The following DUSP5 variants were observed in gnomAD, a reference collection of about 807,000 sequenced individuals.
The protein encoded by DUSP5 is dual specificity phosphatase 5, also known as dual specificity protein phosphatase 5.
Under a neutral mutation model 33.6 loss-of-function variants are expected in DUSP5, and 22 were observed. The ratio of observed to expected loss-of-function variants is 0.66; its 90% CI spans 0.47 to 0.94. DUSP5 has a LOEUF of 0.94. DUSP5 is among the 40% of genes least tolerant of loss of function. The pLI is 0.00. For missense variants in DUSP5, 551 were observed against 522.1 expected (o/e 1.06, Z -0.54); for synonymous variants, 270 against 231.1 (o/e 1.17, Z -1.53).
chr10:110,505,314 A>G (rs1001646653), intron 2 of DUSP5, among the ~76,000 whole-genome samples: 3 of 152,218 alleles, frequency 2.0e-5, no homozygotes, highest in Non-Finnish European at 2.9e-5. Flanking sequence ...CATCCGTAAA[A>G]TGGGAATAAT....
Position 110,498,225 on chromosome 10 carries a change from C to T in DUSP5, c.104C>T (p.Ala35Val). 1 of 1,515,328 alleles carries T rather than the reference C, an allele frequency of 6.6e-7. No individual in the cohort carries two copies. Among genetic ancestry groups the T allele is most frequent in the Admixed American group, 1.9e-5 (1 of 53,014 alleles). 93.9% of individuals were successfully genotyped at this position (1,515,328 alleles called of 1,614,324 possible). ...GACTGCCGGCCCTATCTGGCCTTCG[C>T]TGCCTCGAACGTGCGCGGCTCGCTC... Reference protein sequence around the residue: ...VLDCRPYLAFAASNVRGSLNV... With the variant: ...VLDCRPYLAFVASNVRGSLNV... The change falls in exon 1 of 4, where the codon GCT becomes GTT. Residue 35 changes from alanine (A) to valine (V), a missense_variant. Transcript: ENST00000369583.
rs187676307 is a variant in DUSP5 at position 110,508,896 on chromosome 10, C to A, written c.749-1124C>A. The stretch of plus-strand genomic sequence containing the variant: ...AGATGGGGAAACTCTAGGATTCCTC[C>A]CTGATGCCTCAGAAATTTTATCTTT... On this transcript the variant is annotated intron_variant, in intron 3 of 3. Coordinates refer to ENST00000369583, the MANE Select transcript of DUSP5 (RefSeq NM_004419.4). Among the ~76,000 whole-genome samples the A allele has an allele frequency of 5.3e-5, 8 of 152,308 alleles. No individual in the cohort carries two copies. The East Asian group carries it at 9.6e-4, about 18-fold the overall frequency.
At chr10:110,499,492 C>T (rs1342600913) in intron 1 of DUSP5, among the ~76,000 whole-genome samples, 3 of 151,974 alleles carry the variant, frequency 2.0e-5, no homozygotes, top group African/African-American at 4.8e-5. Context: ...AGCCCTGGCG[C>T]GGACACCTTG....
At chr10:110,509,580 A>T (rs1013960599) in intron 3 of DUSP5, among the ~76,000 whole-genome samples, 1 of 152,194 alleles carries the variant, frequency 6.6e-6, no homozygotes, top group African/African-American at 2.4e-5. Flanking sequence ...TGAGCCTGGG[A>T]TGCTCTCCTT....
Position 110,498,457 on chromosome 10 carries a change from A to G in DUSP5, c.336A>G (p.Leu112=), listed in dbSNP as rs185835786. Reference sequence around the variant, plus strand: ...CCGCGCGTGTCGTCCTCACCTCGCTACTCGCTTGCCTACCCGCCGGCCCGC... The same window carrying G: ...CCGCGCGTGTCGTCCTCACCTCGCTGCTCGCTTGCCTACCCGCCGGCCCGC... ...ESAARVVLTS[L]LACLPAGPRV... is the part of the protein sequence containing the mutation. The change falls in exon 1 of 4, where the codon CTA becomes CTG. Residue 112 remains leucine, a synonymous_variant. Transcript: ENST00000369583. The G allele has an allele frequency of 1.9e-6, 3 of 1,539,306 alleles. No homozygotes were observed. Among genetic ancestry groups the G allele is most frequent in the African/African-American group, 2.8e-5 (2 of 70,456 alleles).
At chr10:110,501,968 G>T (rs951272413) in intron 1 of DUSP5, among the ~76,000 whole-genome samples, 1 of 151,662 alleles carries the variant, frequency 6.6e-6, no homozygotes, top group African/African-American at 2.4e-5. Context: ...TATTGATTGG[G>T]GGGGGGGTGC....
intron 3 of DUSP5, among the ~76,000 whole-genome samples, chr10:110,508,480 A>G (rs531165972): frequency 2.6e-5 from 4 of 152,186 alleles, no homozygotes; most frequent in Non-Finnish European, 5.9e-5. Context: ...TTGAAAGCAC[A>G]GGATGCTTTT....
intron 2 of DUSP5, among the ~76,000 whole-genome samples, chr10:110,505,174 C>T (rs532167275): frequency 1.3e-4 from 20 of 152,360 alleles, no homozygotes; most frequent in Admixed American, 7.2e-4. Context: ...ATATTGATCA[C>T]TATTGAAATG....
chr10:110,498,111 G>C lies in DUSP5; in HGVS notation c.-11G>C. On this transcript the variant is annotated 5_prime_UTR_variant, in exon 1 of 4. Coordinates refer to ENST00000369583, the MANE Select transcript of DUSP5 (RefSeq NM_004419.4). The stretch of plus-strand genomic sequence containing the variant: ...CGCGGCGCGGGGCCGCTGGCCGGCG[G>C]CGGCGGCGGCATGAAGGTCACGTCG... 7.6e-7 allele frequency: 1 copy of C among 1,323,370 alleles called. No homozygotes were observed. Among genetic ancestry groups the C allele is most frequent in the Non-Finnish European group, 9.7e-7 (1 of 1,035,688 alleles). 82.0% of individuals were successfully genotyped at this position (1,323,370 alleles called of 1,614,324 possible).
rs1860191303 is a variant in DUSP5, at chr10:110,511,377, C to T, written c.*951C>T. Reference sequence around the variant, plus strand: ...CTTCTGGGATTTGCAGATTTTGCAACGTGGTACTACTTTTTTTTTCTTTTT... The same window carrying T: ...CTTCTGGGATTTGCAGATTTTGCAATGTGGTACTACTTTTTTTTTCTTTTT... On this transcript the variant is annotated 3_prime_UTR_variant, in exon 4 of 4. Coordinates refer to ENST00000369583, the MANE Select transcript of DUSP5 (RefSeq NM_004419.4). 2 of 152,674 alleles carry T rather than the reference C, an allele frequency of 1.3e-5. No individual in the cohort carries two copies. Among genetic ancestry groups the T allele is most frequent in the Admixed American group, 6.5e-5 (1 of 15,288 alleles). The allele number at this position is 152,674 out of a possible 1,614,324, so 9.5% of individuals were successfully genotyped here.
chr10:110,505,157 C>G (rs564707940), intron 2 of DUSP5, among the ~76,000 whole-genome samples: 1 of 152,208 alleles, frequency 6.6e-6, no homozygotes, highest in Non-Finnish European at 1.5e-5. Context: ...GAAATACTTA[C>G]TTTCTCATAT....
intron 2 of DUSP5, among the ~76,000 whole-genome samples, chr10:110,506,510 C>G (rs1239228003): frequency 6.6e-6 from 1 of 152,124 alleles, no homozygotes; most frequent in African/African-American, 2.4e-5. Context: ...GAGTCCTGGT[C>G]CATTTTATCT....
At chr10:110,509,967 T>C in intron 3 of DUSP5, 53 bp from the exon 4 acceptor site, 1 of 1,527,586 alleles carries the variant, frequency 6.5e-7, no homozygotes, top group Non-Finnish European at 8.8e-7. Flanking sequence ...TGTTTTGCCA[T>C]TGCCCTTAGA....
Position 110,507,128 on chromosome 10 carries a change from A to G in DUSP5, c.722A>G (p.His241Arg). 1 of 1,613,870 alleles carries G rather than the reference A, an allele frequency of 6.2e-7. No homozygotes were observed. The highest frequency in any genetic ancestry group is 8.5e-7 in the Non-Finnish European group (1 of 1,180,034). ...AGCCACACGGCTGACATTAGCTCCC[A>G]CTTTCAAGAAGCAATAGACTTCATT... ...EDSHTADISSHFQEAIDFIDC... is the reference protein window; with the variant it reads ...EDSHTADISSRFQEAIDFIDC... The change falls in exon 3 of 4, where the codon CAC becomes CGC. Residue 241 changes from histidine to arginine, a missense_variant. Around this residue, in one of 3 missense-constraint regions of DUSP5, gnomAD observed 158 missense variants for 181.8 expected, o/e 0.87. Coordinates refer to ENST00000369583, the MANE Select transcript of DUSP5 (RefSeq NM_004419.4).
At position 110,498,009 on chromosome 10, in the gene DUSP5, C is replaced by T. The variant is rs1859976821; in HGVS notation, c.-113C>T. ...CGCCGGGCTCCGTCGCGGCCGCAGC[C>T]CCGCGGGTCGCCCTCCCGTGCCTCG... On this transcript the variant is annotated 5_prime_UTR_variant, in exon 1 of 4. Coordinates refer to ENST00000369583, the MANE Select transcript of DUSP5 (RefSeq NM_004419.4). 8 of 903,282 alleles carry T rather than the reference C, an allele frequency of 8.9e-6. No individual in the cohort carries two copies. Among genetic ancestry groups the T allele is most frequent in the Non-Finnish European group, 1.1e-5 (8 of 753,726 alleles). The allele number at this position is 903,282 out of a possible 1,614,324, so 56.0% of individuals were successfully genotyped here. A position where few individuals can be genotyped will look rare whatever the true frequency, so the allele number is the denominator to read the frequency against.
In DUSP5 at chr10:110,497,939, A is replaced by G. The variant is rs974800352; in HGVS notation, c.-183A>G. 1.3e-5 allele frequency: 4 copies of G among 314,388 alleles called. No individual in the cohort carries two copies. The highest frequency in any genetic ancestry group is 4.6e-6 in the Non-Finnish European group (1 of 217,200). 19.5% of individuals were successfully genotyped at this position (314,388 alleles called of 1,614,324 possible). A position where few individuals can be genotyped will look rare whatever the true frequency, so the allele number is the denominator to read the frequency against. ...AGGGCGGCGAGCGGCCGGGCTGGCT[A>G]TCGAGCGAGCGGGGCGGGAACGCGG... On this transcript the variant is annotated 5_prime_UTR_variant, in exon 1 of 4. Coordinates refer to ENST00000369583, the MANE Select transcript of DUSP5 (RefSeq NM_004419.4).
chr10:110,507,704 T>C (rs534876411), intron 3 of DUSP5, among the ~76,000 whole-genome samples: 31 of 152,362 alleles, frequency 2.0e-4, no homozygotes, highest in African/African-American at 7.5e-4. Context: ...AAAGTTGGCA[T>C]CTTTTGCCTG....
Position 110,498,219 on chromosome 10 carries a change from C to A in DUSP5, c.98C>A (p.Ala33Asp). ...CVVLDCRPYL[A>D]FAASNVRGSL... ...GTGCTCGACTGCCGGCCCTATCTGGCCTTCGCTGCCTCGAACGTGCGCGGC... is the reference window on the plus strand; with the variant it reads ...GTGCTCGACTGCCGGCCCTATCTGGACTTCGCTGCCTCGAACGTGCGCGGC... Residue 33 changes from alanine to aspartate, a missense_variant, in exon 1 of 4, where the codon GCC becomes GAC. Physicochemically the swap from Ala to Asp is moderately radical, Grantham distance 126 (BLOSUM62 -2). This residue lies in a region of DUSP5 where 381 missense variants were observed against 310.4 expected (regional missense o/e 1.23). Coordinates refer to ENST00000369583, the MANE Select transcript of DUSP5 (RefSeq NM_004419.4). 6.6e-7 allele frequency: 1 copy of A among 1,513,750 alleles called. No homozygotes were observed. The allele number at this position is 1,513,750 out of a possible 1,614,324, so 93.8% of individuals were successfully genotyped here.
At chr10:110,502,123 G>A (rs1860058458) in intron 1 of DUSP5, among the ~76,000 whole-genome samples, 1 of 151,404 alleles carries the variant, frequency 6.6e-6, no homozygotes, top group Non-Finnish European at 1.5e-5. Context: ...GTAATTAACT[G>A]GATTGATGAC....
Sources: gnomAD v4.1 joint callset for allele counts (sites outside exome capture counted in the v4.1 genomes callset) on GRCh38, gnomAD v4.1.1 for gene constraint, gnomAD v4.1.1 regional missense constraint, MANE v1.5 for transcripts, NCBI Gene and HGNC (gene_info 2026-07-23, HGNC 2026-07-21) for gene names.